UPRT: variants seen among roughly 807,000 people sequenced by gnomAD.
UPRT encodes the protein uracil phosphoribosyltransferase homolog.
In UPRT, 5 loss-of-function variants were observed where a neutral mutation model predicts 22.6. The ratio of observed to expected loss-of-function variants is 0.22; its 90% CI spans 0.12 to 0.47. The LOEUF (loss-of-function observed/expected upper bound fraction) is 0.47, where lower values mean the gene tolerates loss of function less well. Ranked by LOEUF, UPRT falls within the 20% of genes least tolerant of loss-of-function variation. The pLI, the probability that UPRT is intolerant of heterozygous loss-of-function variation, is 0.99. For synonymous variants in UPRT, 77 were observed against 87.7 expected (o/e 0.88, Z 0.68); for missense variants, 181 against 239.9 (o/e 0.75, Z 1.62).
At chrX:75,174,093 G>A (rs1365685871) in intron 4 of UPRT, among the ~76,000 whole-genome samples, 1 of 112,332 alleles carries the variant, frequency 8.9e-6, no homozygotes, top group African/African-American at 3.2e-5. Flanking sequence ...GCCAAACTGG[G>A]AGCCCGGGCA....
At chrX:75,290,167 G>A (rs1007704454) in intron 1 of UPRT, among the ~76,000 whole-genome samples, 1 of 112,020 alleles carries the variant, frequency 8.9e-6, no homozygotes, top group African/African-American at 3.2e-5. Context: ...CTTTTCAAAA[G>A]AAGACATACA....
chrX:75,261,970 G>A (rs755613319), intron 4 of UPRT, among the ~76,000 whole-genome samples: 4 of 110,999 alleles, frequency 3.6e-5, no homozygotes, highest in Non-Finnish European at 7.5e-5. Flanking sequence ...GAAACTCCAA[G>A]ACACATAATA....
intron 4 of UPRT, among the ~76,000 whole-genome samples, chrX:75,210,820 A>G (rs1351748496): frequency 9.0e-6 from 1 of 111,182 alleles, no homozygotes; most frequent in Non-Finnish European, 1.9e-5. Flanking sequence ...AAACAGAGAT[A>G]AGCAAAGCAT....
intron 4 of UPRT, among the ~76,000 whole-genome samples, chrX:75,203,527 C>A (rs2082354468): frequency 9.2e-6 from 1 of 108,814 alleles, no homozygotes; most frequent in South Asian, 4.0e-4. Flanking sequence ...CACACACACA[C>A]ACACACACAC....
At chrX:75,197,471 A>G (rs2082335918) in intron 4 of UPRT, among the ~76,000 whole-genome samples, 1 of 112,501 alleles carries the variant, frequency 8.9e-6, no homozygotes, top group Admixed American at 9.5e-5. Context: ...AAATGATAAT[A>G]TTTACAATGT....
chrX:75,295,483 C>T (rs1306573323), intron 2 of UPRT, among the ~76,000 whole-genome samples: 1 of 111,999 alleles, frequency 8.9e-6, no homozygotes, highest in Non-Finnish European at 1.9e-5. Context: ...TGCCTGGGCC[C>T]TCTGTCTGAT....
At chrX:75,278,122 G>C (rs780835289) in intron 1 of UPRT, among the ~76,000 whole-genome samples, 2 of 111,515 alleles carry the variant, frequency 1.8e-5, no homozygotes, top group African/African-American at 6.5e-5. Context: ...GAAGCCACTG[G>C]AGTACATATT....
chrX:75,186,631 C>A (rs764887671), intron 4 of UPRT, among the ~76,000 whole-genome samples: 2 of 111,594 alleles, frequency 1.8e-5, no homozygotes, highest in Non-Finnish European at 3.8e-5. Context: ...GTGTTAAAAT[C>A]TCCCATTATT....
intron 4 of UPRT, among the ~76,000 whole-genome samples, chrX:75,193,498 TA>T (rs917849264): frequency 8.9e-6 from 1 of 112,017 alleles, no homozygotes; most frequent in Non-Finnish European, 1.9e-5. Context: ...TTCCTGAATT[TA>T]GATTTTGGCC....
At chrX:75,159,342 T>A (rs1198854693) in intron 1 of UPRT, among the ~76,000 whole-genome samples, 1 of 112,435 alleles carries the variant, frequency 8.9e-6, no homozygotes, top group East Asian at 2.8e-4. Flanking sequence ...GTACACCACA[T>A]TTGGAAGAAA....
intron 4 of UPRT, among the ~76,000 whole-genome samples, chrX:75,170,750 G>A (rs1338331762): frequency 1.8e-5 from 2 of 110,996 alleles, no homozygotes; most frequent in Non-Finnish European, 3.8e-5. Flanking sequence ...ATTCCTTTTA[G>A]TATTTCTTGT....
At chrX:75,162,190 G>A (rs1431152184) in intron 2 of UPRT, among the ~76,000 whole-genome samples, 1 of 106,079 alleles carries the variant, frequency 9.4e-6, no homozygotes, top group Non-Finnish European at 1.9e-5. Flanking sequence ...GACCTCAGGT[G>A]ATCCACCCGC....
chrX:75,260,090 A>G (rs1003209783), intron 4 of UPRT, among the ~76,000 whole-genome samples: 4 of 112,229 alleles, frequency 3.6e-5, no homozygotes, highest in Non-Finnish European at 7.5e-5. Flanking sequence ...CTGCCTTACA[A>G]GAGCTCCTGA....
intron 4 of UPRT, among the ~76,000 whole-genome samples, chrX:75,232,622 C>G (rs1218007404): frequency 8.9e-6 from 1 of 112,423 alleles, no homozygotes; most frequent in Non-Finnish European, 1.9e-5. Flanking sequence ...AAGTGGGTCC[C>G]TGACCCCTGA....
chrX:75,252,978 T>A (rs758231584), intron 4 of UPRT, among the ~76,000 whole-genome samples: 1 of 110,239 alleles, frequency 9.1e-6, no homozygotes, highest in East Asian at 2.9e-4. Flanking sequence ...CACTCATAGG[T>A]GAGAATTGAA....
At chrX:75,226,235 T>A (rs2082423652) in intron 4 of UPRT, among the ~76,000 whole-genome samples, 1 of 111,456 alleles carries the variant, frequency 9.0e-6, no homozygotes, top group African/African-American at 3.3e-5. Flanking sequence ...CTCAAGCCAC[T>A]ATTATCTCTC....
intron 1 of UPRT, among the ~76,000 whole-genome samples, chrX:75,284,709 G>C (rs771725434): frequency 5.4e-5 from 6 of 111,436 alleles, no homozygotes; most frequent in African/African-American, 1.6e-4. Context: ...GGCAGGGGGG[G>C]GTGCAGTGGA....
chrX:75,211,068 C>G (rs556671953), intron 4 of UPRT, among the ~76,000 whole-genome samples: 6 of 110,364 alleles, frequency 5.4e-5, no homozygotes, highest in African/African-American at 2.0e-4. Context: ...ATGGAGTCCA[C>G]TAAGCCCTGG....
chrX:75,260,382 G>A (rs1054872272), intron 4 of UPRT, among the ~76,000 whole-genome samples: 1 of 111,792 alleles, frequency 8.9e-6, no homozygotes, highest in East Asian at 2.8e-4. Flanking sequence ...ACGCACATAG[G>A]TTCAAAATAA....
Sources: allele counts gnomAD v4.1 joint callset (sites outside exome capture counted in the v4.1 genomes callset), GRCh38; gene constraint gnomAD v4.1.1; transcripts MANE v1.5; gene names NCBI Gene and HGNC (gene_info 2026-07-23, HGNC 2026-07-21).